ZNF611: variants seen among roughly 807,000 people sequenced by gnomAD.
ZNF611 encodes zinc finger protein 611.
In ZNF611, 6 loss-of-function variants were observed where a neutral mutation model predicts 8.9. The ratio of observed to expected loss-of-function variants is 0.68; its 90% confidence interval spans 0.37 to 1.34. The LOEUF (loss-of-function observed/expected upper bound fraction) is 1.34, where lower values mean the gene tolerates loss of function less well. ZNF611 is among the 40% of genes most tolerant of loss of function. ZNF611 has a pLI of 0.02. For missense variants in ZNF611, 874 were observed against 841.3 expected, an observed-to-expected ratio of 1.04 and a Z score of -0.48; for synonymous variants, 262 against 279.7, an observed-to-expected ratio of 0.94 and a Z score of 0.63.
At position 52,705,329 on chromosome 19, in the gene ZNF611, T is replaced by G. The variant is rs768163326; in HGVS notation, c.1726A>C (p.Ser576Arg). The G allele has an allele frequency of 1.2e-6, 2 of 1,614,014 alleles. No individual in the cohort carries two copies. The highest frequency in any genetic ancestry group is 1.7e-6 in the Non-Finnish European group (2 of 1,180,028). Residue 576 changes from serine to arginine, a missense_variant, in exon 6 of 6, where the codon AGT becomes CGT. By Grantham distance (110) the Ser-to-Arg change is moderately radical (BLOSUM62 -1). Transcript: ENST00000652185. Reference protein sequence around the residue: ...YKCNECSKTFSHRSYLVCHHR... With the variant: ...YKCNECSKTFRHRSYLVCHHR... ...TGGCATACAAGGTATGACCTGTGAC[T>G]GAAGGTCTTGCTGCACTCATTACAC...
intron 1 of ZNF611, among the ~76,000 whole-genome samples, chr19:52,733,749 C>T (rs7250045): frequency 0.62 from 93,348 of 151,314 alleles, 28,885 homozygotes; most frequent in African/African-American, 0.65. Context: ...TCCTGCTATT[C>T]ATCCCCTTCT....
In ZNF611 at chr19:52,731,118, C is replaced by T. The variant is rs150058406; in HGVS notation, c.-221-1113G>A. Among the ~76,000 whole-genome samples, 849 of 151,672 alleles carry T rather than the reference C, an allele frequency of 5.6e-3. 9 individuals are homozygous for T. The highest frequency in any genetic ancestry group is 0.019 in the African/African-American group (792 of 41,352). On this transcript the variant is annotated intron_variant, in intron 1 of 5. Transcript: ENST00000652185. ...CACTCTGTCACCCAGGCTGGAGTGC[C>T]GTGGTGCGATCGTGGCTCACTGCAA...
In ZNF611 at chr19:52,705,194, G is replaced by A. The variant is rs765704647; in HGVS notation, c.1861C>T (p.Pro621Ser). Residue 621 changes from proline to serine, a missense_variant, in exon 6 of 6, where the codon CCT becomes TCT. Pro to Ser is a moderately conservative substitution (Grantham distance 74). Transcript: ENST00000652185. ...TTGCCACACTCATTACACTTGTAAG[G>A]TTTCTCACCACTATGAAGTCTACGA... ...CHRRLHSGEK[P>S]YKCNECGNTF... 1.7e-5 allele frequency: 27 copies of A among 1,613,992 alleles called. No individual in the cohort carries two copies. Among genetic ancestry groups the A allele is most frequent in the Non-Finnish European group, 2.3e-5 (27 of 1,180,040 alleles).
In ZNF611 at chr19:52,717,917, T is replaced by C. The variant is rs568574942; in HGVS notation, c.-19-2004A>G. Among the ~76,000 whole-genome samples, 189 of 152,304 alleles carry C rather than the reference T, an allele frequency of 1.2e-3. 2 individuals carry two copies. The highest frequency in any genetic ancestry group is 0.01 in the South Asian group (49 of 4,832). ...AGTAGAAAACGTTTTCGATATATGATAAAGACTAGAAAGCACACAGACCTC... is the reference window on the plus strand; with the variant it reads ...AGTAGAAAACGTTTTCGATATATGACAAAGACTAGAAAGCACACAGACCTC... On this transcript the variant is annotated intron_variant, in intron 3 of 5. Coordinates refer to ENST00000652185, the MANE Select transcript of ZNF611 (RefSeq NM_001161499.2).
In ZNF611 at chr19:52,706,391, GT is replaced by G. The variant is rs1302391516; in HGVS notation, c.663del (p.Lys221AsnfsTer6). The G allele has an allele frequency of 6.2e-7, 1 of 1,614,058 alleles. No homozygotes were observed. Among genetic ancestry groups the G allele is most frequent in the Non-Finnish European group, 8.5e-7 (1 of 1,180,048 alleles). On this transcript the variant is annotated frameshift_variant, in exon 6 of 6. Transcript: ENST00000652185. LOFTEE classifies it low-confidence loss of function (END_TRUNC). ...NPLNSSLLPQ[K>X]QEVHMREKSF... The stretch of plus-strand genomic sequence containing the variant: ...GATTTTTCTCTCATGTGTACTTCCT[GT>G]TTTTGTGGGAGTAATGAAGAATTCA...
At chr19:52,707,841 G>C (rs1290790035) in intron 5 of ZNF611, among the ~76,000 whole-genome samples, 1 of 151,822 alleles carries the variant, frequency 6.6e-6, no homozygotes, top group Non-Finnish European at 1.5e-5. Flanking sequence ...ATATTGGCCA[G>C]GCTGGTCTCA....
rs542937026 is a variant in ZNF611 at position 52,716,571 on chromosome 19, T to C, written c.-19-658A>G. Among the ~76,000 whole-genome samples the C allele has an allele frequency of 2.0e-5, 3 of 152,132 alleles. No individual in the cohort carries two copies. The East Asian group carries it at 5.8e-4, about 29-fold the overall frequency. ...AAATAATCACACAGAACAGGCAATG[T>C]GGAGAAGGGGTAGGGTGAGGGTTGG... On this transcript the variant is annotated intron_variant, in intron 3 of 5. Coordinates refer to ENST00000652185, the MANE Select transcript of ZNF611 (RefSeq NM_001161499.2).
At position 52,715,956 on chromosome 19, in the gene ZNF611, A is replaced by T. The variant is rs577697312; in HGVS notation, c.-19-43T>A. The T allele has an allele frequency of 9.7e-5, 156 of 1,603,986 alleles. No homozygotes were observed. The African/African-American group carries it at 1.9e-3, about 19-fold the overall frequency. On this transcript the variant is annotated intron_variant, in intron 3 of 5. Transcript: ENST00000652185. ...TGAGACTTCATGTTAGAAATGACTC[A>T]CTCCCTTCCTGTGACAAAAACACAC...
chr19:52,706,996 C>T lies in ZNF611; in HGVS notation c.191-132G>A, dbSNP rs186381228. The T allele has an allele frequency of 9.0e-5, 126 of 1,392,632 alleles. No homozygotes were observed. The Admixed American group carries it at 1.2e-3, about 13-fold the overall frequency. The allele number at this position is 1,392,632 out of a possible 1,614,324, so 86.3% of individuals were successfully genotyped here. On this transcript the variant is annotated intron_variant, in intron 5 of 5. Coordinates refer to ENST00000652185, the MANE Select transcript of ZNF611 (RefSeq NM_001161499.2). ...ACATCATCTTCAAAGTTTAGGAAAA[C>T]GAAAGGAGCAATATTCTTTAGTAAA...
In ZNF611 at chr19:52,729,916, G is replaced by C. The variant is rs983087485; in HGVS notation, c.-132C>G. 8.6e-5 allele frequency: 13 copies of C among 152,000 alleles called. No individual in the cohort carries two copies. The highest frequency in any genetic ancestry group is 4.4e-5 in the Non-Finnish European group (3 of 68,010). The allele number at this position is 152,000 out of a possible 1,614,324, so 9.4% of individuals were successfully genotyped here. On this transcript the variant is annotated 5_prime_UTR_variant, in exon 2 of 6. Coordinates refer to ENST00000652185, the MANE Select transcript of ZNF611 (RefSeq NM_001161499.2). ...TAAGAACTGACTAACCATGTCGGAG[G>C]GTGCAATTATGATGTCACAGGTACA...
At position 52,706,643 on chromosome 19, in the gene ZNF611, T is replaced by C. The variant is rs576665336; in HGVS notation, c.412A>G (p.Ser138Gly). ...PMTKIKKLTGSTDQHDHRHAG... is the reference protein window; with the variant it reads ...PMTKIKKLTGGTDQHDHRHAG... ...TGCCTGTGATCATGTTGGTCTGTGC[T>C]ACCAGTCAACTTTTTTATTTTTGTC... The change falls in exon 6 of 6, where the codon AGC (serine) becomes GGC (glycine). Residue 138 changes from serine to glycine, a missense_variant. Coordinates refer to ENST00000652185, the MANE Select transcript of ZNF611 (RefSeq NM_001161499.2). 3.0e-5 allele frequency: 49 copies of C among 1,613,852 alleles called. No homozygotes were observed. Among genetic ancestry groups the C allele is most frequent in the African/African-American group, 8.0e-5 (6 of 74,898 alleles).
At position 52,719,483 on chromosome 19, in the gene ZNF611, G is replaced by A. The variant is rs545177760; in HGVS notation, c.-19-3570C>T. On this transcript the variant is annotated intron_variant, in intron 3 of 5. Coordinates refer to ENST00000652185, the MANE Select transcript of ZNF611 (RefSeq NM_001161499.2). ...ATCATTATAAAATGCACCACACTTA[G>A]ACACAGGAGTTTGGCAACTCTCATT... Among the ~76,000 whole-genome samples, 5 of 152,224 alleles carry A rather than the reference G, an allele frequency of 3.3e-5. No homozygotes were observed. The East Asian group carries it at 9.7e-4, about 30-fold the overall frequency.
rs2062240328 is a variant in ZNF611, at chr19:52,706,023, C to A, written c.1032G>T (p.Lys344Asn). The A allele has an allele frequency of 3.1e-6, 5 of 1,614,122 alleles. No homozygotes were observed. Among genetic ancestry groups the A allele is most frequent in the Non-Finnish European group, 4.2e-6 (5 of 1,180,038 alleles). ...KAIDTGENPY[K>N]CNECDKAFNQ... ...TAAAAGCCTTGTCACATTCATTACA[C>A]TTGTAAGGATTTTCTCCAGTATCAA... The change falls in exon 6 of 6, where the codon AAG becomes AAT. Residue 344 changes from lysine to asparagine, a missense_variant. Lys to Asn is a moderately conservative substitution (Grantham distance 94, BLOSUM62 0). Coordinates refer to ENST00000652185, the MANE Select transcript of ZNF611 (RefSeq NM_001161499.2).
intron 3 of ZNF611, among the ~76,000 whole-genome samples, chr19:52,725,733 G>C (rs2062387953): frequency 1.3e-5 from 2 of 152,164 alleles, no homozygotes; most frequent in African/African-American, 4.8e-5. Context: ...CGCCTCGGTA[G>C]GACCTTTACT....
In ZNF611 at chr19:52,706,328, T is replaced by C. The variant is rs1257779823; in HGVS notation, c.727A>G (p.Ser243Gly). The change falls in exon 6 of 6, where the codon AGC becomes GGC. Residue 243 changes from serine (S) to glycine (G), a missense_variant. Physicochemically the swap from Ser to Gly is moderately conservative, Grantham distance 56. Coordinates refer to ENST00000652185, the MANE Select transcript of ZNF611 (RefSeq NM_001161499.2). ...CNKSGKAFNC[S>G]SLLRKHQIPH... ...ATCTGGTGTTTCCTTAAGAGTGAGC[T>C]ACAATTAAAGGCTTTGCCACTCTTA... 1.2e-6 allele frequency: 2 copies of C among 1,614,194 alleles called. No individual in the cohort carries two copies. Among genetic ancestry groups the C allele is most frequent in the Admixed American group, 3.3e-5 (2 of 60,008 alleles).
At chr19:52,725,184 T>C (rs1247885056) in intron 3 of ZNF611, among the ~76,000 whole-genome samples, 1 of 152,108 alleles carries the variant, frequency 6.6e-6, no homozygotes, top group Admixed American at 6.5e-5. Context: ...GACAAGGCCC[T>C]GGGACCTCCC....
rs752743254 is a variant in ZNF611 at position 52,715,819 on chromosome 19, A to T, written c.63+13T>A. Reference sequence around the variant, plus strand: ...AAAGACACAGATTAATCCACAGAGGAATATCACTTCACCTGAGGAAGAGCC... The same window carrying T: ...AAAGACACAGATTAATCCACAGAGGTATATCACTTCACCTGAGGAAGAGCC... On this transcript the variant is annotated intron_variant, in intron 4 of 5. Coordinates refer to ENST00000652185, the MANE Select transcript of ZNF611 (RefSeq NM_001161499.2). 1.6e-5 allele frequency: 25 copies of T among 1,610,524 alleles called. No individual in the cohort carries two copies. In the East Asian group the frequency reaches 5.6e-4, roughly 36 times the overall value.
Position 52,704,140 on chromosome 19 carries a change from T to C in ZNF611, c.*797A>G. On this transcript the variant is annotated 3_prime_UTR_variant, in exon 6 of 6. Coordinates refer to ENST00000652185, the MANE Select transcript of ZNF611 (RefSeq NM_001161499.2). ...GGAGCCACCACACCTGGCCCCATCC[T>C]CTTAACATAAACACTTGAATGTCAA... 5.6e-6 allele frequency: 2 copies of C among 355,396 alleles called. No individual in the cohort carries two copies. The highest frequency in any genetic ancestry group is 1.1e-5 in the Non-Finnish European group (2 of 178,188). The allele number at this position is 355,396 out of a possible 1,614,324, so 22.0% of individuals were successfully genotyped here.
chr19:52,716,092 C>A, intron 3 of ZNF611, 179 bp from the exon 4 acceptor site: 1 of 675,352 alleles, frequency 1.5e-6, no homozygotes, highest in Non-Finnish European at 2.4e-6. Context: ...TATATTTGAC[C>A]CCAGTCTTCA....
Sources: gnomAD v4.1 joint callset for allele counts (sites outside exome capture counted in the v4.1 genomes callset) on GRCh38, gnomAD v4.1.1 for gene constraint, MANE v1.5 for transcripts, NCBI Gene and HGNC (gene_info 2026-07-23, HGNC 2026-07-21) for gene names.